KIAA1671: variants seen among roughly 807,000 people sequenced by gnomAD.
The protein encoded by KIAA1671 is uncharacterized protein KIAA1671.
KIAA1671 carries 52 observed loss-of-function variants against 131.2 expected under a neutral mutation model. The observed-to-expected ratio is 0.40, with a 90% CI of 0.32 to 0.50. The LOEUF (loss-of-function observed/expected upper bound fraction) is 0.50. KIAA1671 is among the 20% of genes least tolerant of loss of function. The pLI, the probability that KIAA1671 is intolerant of heterozygous loss-of-function variation, is 0.73. For missense variants in KIAA1671, 2,360 were observed against 2,364.2 expected (o/e 1.00, Z 0.04); for synonymous variants, 1,003 against 961.6 (o/e 1.04, Z -0.80).
chr22:25,179,976 A>G (rs994972431), intron 9 of KIAA1671, among the ~76,000 whole-genome samples: 2 of 148,410 alleles, frequency 1.3e-5, no homozygotes, highest in Non-Finnish European at 3.0e-5. Flanking sequence ...TGAGTTAGGG[A>G]AAGTTATTCC....
chr22:25,143,481 A>G (rs1030593107), intron 6 of KIAA1671, among the ~76,000 whole-genome samples: 1 of 152,206 alleles, frequency 6.6e-6, no homozygotes, highest in African/African-American at 2.4e-5. Context: ...TGCTGTGAAA[A>G]GCTCACAGTC....
chr22:25,042,468 T>TG (rs1926987510), intron 5 of KIAA1671, among the ~76,000 whole-genome samples: 1 of 145,390 alleles, frequency 6.9e-6, no homozygotes, highest in African/African-American at 2.6e-5. Context: ...CCCTTGTTTT[T>TG]TTTTTTTTTT....
At chr22:25,016,630 T>C (rs1925340569) in intron 1 of KIAA1671, among the ~76,000 whole-genome samples, 2 of 152,106 alleles carry the variant, frequency 1.3e-5, no homozygotes, top group African/African-American at 2.4e-5. Flanking sequence ...TTTTACAAAA[T>C]ATCCAGAAAT....
At chr22:25,091,826 A>G (rs1930042605) in intron 6 of KIAA1671, among the ~76,000 whole-genome samples, 1 of 152,142 alleles carries the variant, frequency 6.6e-6, no homozygotes, top group African/African-American at 2.4e-5. Context: ...ACCAGCAAGG[A>G]TTTATTGAGC....
intron 6 of KIAA1671, among the ~76,000 whole-genome samples, chr22:25,114,153 T>C (rs1381430453): frequency 1.3e-5 from 2 of 152,130 alleles, no homozygotes; most frequent in Admixed American, 1.3e-4. Context: ...ACCAAGAGTG[T>C]AAATACATGC....
At chr22:25,073,009 G>A (rs1304995211) in intron 6 of KIAA1671, among the ~76,000 whole-genome samples, 1 of 152,102 alleles carries the variant, frequency 6.6e-6, no homozygotes, top group African/African-American at 2.4e-5. Context: ...CATTCACTAG[G>A]GTCTTCCCTG....
chr22:25,026,774 T>G (rs1925965903), intron 2 of KIAA1671, among the ~76,000 whole-genome samples: 1 of 151,110 alleles, frequency 6.6e-6, no homozygotes, highest in Non-Finnish European at 1.5e-5. Context: ...GGACTTGAGG[T>G]TAGGTTTCAG....
chr22:25,034,506 G>T (rs1926481878), intron 4 of KIAA1671, among the ~76,000 whole-genome samples: 2 of 151,906 alleles, frequency 1.3e-5, no homozygotes, highest in East Asian at 1.9e-4. Context: ...ATTATGTTGA[G>T]ATCATTCATG....
At chr22:24,997,594 T>TG (rs1232002387) in intron 1 of KIAA1671, among the ~76,000 whole-genome samples, 1 of 152,068 alleles carries the variant, frequency 6.6e-6, no homozygotes, top group Admixed American at 6.6e-5. Flanking sequence ...GCTGGTGCCC[T>TG]GGGTGAGGGG....
At chr22:25,138,418 A>G (rs1438447642) in intron 6 of KIAA1671, among the ~76,000 whole-genome samples, 1 of 152,226 alleles carries the variant, frequency 6.6e-6, no homozygotes, top group African/African-American at 2.4e-5. Flanking sequence ...AGGGAGTGAC[A>G]TTGGATGTAT....
At chr22:24,962,660 A>C (rs1226400388) in intron 1 of KIAA1671, among the ~76,000 whole-genome samples, 1 of 152,216 alleles carries the variant, frequency 6.6e-6, no homozygotes. Flanking sequence ...TAATGAATTT[A>C]CATGAGCCTT....
intron 1 of KIAA1671, among the ~76,000 whole-genome samples, chr22:24,991,105 C>T (rs1048828618): frequency 9.2e-5 from 14 of 152,138 alleles, no homozygotes; most frequent in Admixed American, 3.3e-4. Flanking sequence ...CTGCAACCTC[C>T]GCCTTCCGGG....
chr22:24,980,935 C>T (rs903915411), intron 1 of KIAA1671, among the ~76,000 whole-genome samples: 9 of 151,794 alleles, frequency 5.9e-5, no homozygotes, highest in Non-Finnish European at 8.8e-5. Context: ...TTAGTAGAGA[C>T]GGGCTTTCAC....
chr22:24,958,947 C>T (rs1004314499), intron 1 of KIAA1671, among the ~76,000 whole-genome samples: 1 of 146,470 alleles, frequency 6.8e-6, no homozygotes, highest in Non-Finnish European at 1.5e-5. Flanking sequence ...TGCCACTGCA[C>T]TCCAGCCTGA....
rs73407436 is a variant in KIAA1671 at position 25,171,671 on chromosome 22, C to T, written c.4649+733C>T. Among the ~76,000 whole-genome samples the T allele has an allele frequency of 8.9e-3, 1,351 of 151,490 alleles. 24 individuals carry two copies. The highest frequency in any genetic ancestry group is 0.031 in the African/African-American group (1,258 of 41,198). ...TGGAGGCTGCAGTAAGCCAAGATTGCGCCAATGCACTCAATCCAGCCTGGG... is the reference window on the plus strand; with the variant it reads ...TGGAGGCTGCAGTAAGCCAAGATTGTGCCAATGCACTCAATCCAGCCTGGG... On this transcript the variant is annotated intron_variant, in intron 7 of 12. Transcript: ENST00000358431.
At chr22:25,036,804 A>G (rs1926623932) in intron 4 of KIAA1671, among the ~76,000 whole-genome samples, 1 of 152,110 alleles carries the variant, frequency 6.6e-6, no homozygotes, top group Non-Finnish European at 1.5e-5. Context: ...CATGCCTGTA[A>G]TCCCAGCCAC....
intron 4 of KIAA1671, among the ~76,000 whole-genome samples, chr22:25,036,906 A>G (rs1448009847): frequency 2.0e-5 from 3 of 152,232 alleles, no homozygotes; most frequent in African/African-American, 4.8e-5. Context: ...CCTGGGTGAC[A>G]AGAGCGAAAC....
At chr22:25,044,177 G>A (rs1461152854) in intron 5 of KIAA1671, among the ~76,000 whole-genome samples, 2 of 152,218 alleles carry the variant, frequency 1.3e-5, no homozygotes, top group East Asian at 1.9e-4. Context: ...TGCCTGCTGT[G>A]TGTAAAGCAG....
At chr22:25,025,381 T>C (rs1389428759) in intron 1 of KIAA1671, among the ~76,000 whole-genome samples, 3 of 152,188 alleles carry the variant, frequency 2.0e-5, no homozygotes, top group Non-Finnish European at 2.9e-5. Context: ...TGCTCATCTT[T>C]GTACACACCG....
Sources: allele counts gnomAD v4.1 joint callset (sites outside exome capture counted in the v4.1 genomes callset), GRCh38; gene constraint gnomAD v4.1.1; transcripts MANE v1.5; gene names NCBI Gene and HGNC (gene_info 2026-07-23, HGNC 2026-07-21).